RIMS2: variants seen among roughly 807,000 people sequenced by gnomAD.
RIMS2 encodes the protein regulating synaptic membrane exocytosis 2, also known as regulating synaptic membrane exocytosis protein 2.
A neutral mutation model predicts 174.4 loss-of-function variants in RIMS2; 59 were observed. The ratio of observed to expected loss-of-function variants is 0.34; its 90% confidence interval spans 0.27 to 0.42. RIMS2 has a LOEUF of 0.42. Among genes scored for constraint, RIMS2 ranks in the 10% least tolerant of loss-of-function variants. The pLI is 1.00. For missense variants in RIMS2, 1,620 were observed against 1,666.3 expected (o/e 0.97, Z 0.48); for synonymous variants, 606 against 572.5 (o/e 1.06, Z -0.84).
intron 1 of RIMS2, among the ~76,000 whole-genome samples, chr8:103,643,261 T>G (rs1448988524): frequency 6.6e-6 from 1 of 152,106 alleles, no homozygotes; most frequent in Non-Finnish European, 1.5e-5. Context: ...TCCTTTTTGA[T>G]TCACTCGTAG....
chr8:103,541,583 C>A (rs10094117), intron 1 of RIMS2, among the ~76,000 whole-genome samples: 1,768 of 152,208 alleles, frequency 0.012, 32 homozygotes, highest in African/African-American at 0.039. Context: ...GAGAAGGGTG[C>A]TAACTAGTAA....
intron 1 of RIMS2, among the ~76,000 whole-genome samples, chr8:103,593,238 G>T (rs868454316): frequency 1.6e-4 from 25 of 151,520 alleles, no homozygotes; most frequent in Middle Eastern, 6.8e-3. Context: ...GAGATCAGTG[G>T]TGATGTTAAT....
At chr8:104,154,280 T>C (rs1289404773) in intron 19 of RIMS2, among the ~76,000 whole-genome samples, 1 of 152,172 alleles carries the variant, frequency 6.6e-6, no homozygotes, top group Non-Finnish European at 1.5e-5. Flanking sequence ...TCACTTTTAA[T>C]TTTTCTGTTA....
chr8:103,936,783 T>G (rs1340083760), intron 13 of RIMS2, 61 bp downstream of exon 15: 6 of 1,247,970 alleles, frequency 4.8e-6, no homozygotes, highest in African/African-American at 1.5e-5. Flanking sequence ...TTTATTTATA[T>G]AACTGTCAGT....
chr8:104,249,244 T>G (rs569847026), intron 21 of RIMS2, among the ~76,000 whole-genome samples: 6 of 152,128 alleles, frequency 3.9e-5, no homozygotes, highest in Admixed American at 2.6e-4. Flanking sequence ...AGTGGAATCT[T>G]TAACAATATT....
intron 19 of RIMS2, chr8:104,148,748 C>T (rs200369327): frequency 4.4e-6 from 7 of 1,598,206 alleles, no homozygotes; most frequent in Non-Finnish European, 5.1e-6. Flanking sequence ...GCACCTTGGG[C>T]ACCAGTGGCA....
chr8:104,153,212 T>G (rs977402922), intron 19 of RIMS2, among the ~76,000 whole-genome samples: 2 of 152,144 alleles, frequency 1.3e-5, no homozygotes, highest in Non-Finnish European at 2.9e-5. Flanking sequence ...TCACTGTTTC[T>G]AAAGAATTGA....
intron 19 of RIMS2, among the ~76,000 whole-genome samples, chr8:104,063,161 C>T (rs2097035976): frequency 1.3e-5 from 2 of 151,752 alleles, no homozygotes; most frequent in Admixed American, 1.3e-4. Context: ...ATATTTACAC[C>T]AATACCTTTA....
rs537610301 is a variant in RIMS2 at position 104,134,982 on chromosome 8, C to A, written c.3335-109934C>A. Reference sequence around the variant, plus strand: ...TAGATCCTGTTCAGACATGTTACAACAAGTTAGTATGAGCTTATTTTTGGT... The same window carrying A: ...TAGATCCTGTTCAGACATGTTACAAAAAGTTAGTATGAGCTTATTTTTGGT... On this transcript the variant is annotated intron_variant, in intron 19 of 23. Transcript: ENST00000504942. 1.1e-4 allele frequency among the ~76,000 whole-genome samples: 17 copies of A among 151,732 alleles called. No individual in the cohort carries two copies. In the East Asian group the frequency reaches 3.3e-3, roughly 29 times the overall value.
chr8:103,863,688 A>G (rs2099070080), intron 3 of RIMS2, among the ~76,000 whole-genome samples: 1 of 151,962 alleles, frequency 6.6e-6, no homozygotes, highest in Non-Finnish European at 1.5e-5. Context: ...ATATATTTCC[A>G]GAAATATATC....
chr8:103,719,880 C>T (rs1021423997), intron 2 of RIMS2, among the ~76,000 whole-genome samples: 15 of 152,174 alleles, frequency 9.9e-5, no homozygotes, highest in East Asian at 7.7e-4. Flanking sequence ...TGTCTAGAGG[C>T]GTATCATGTG....
At chr8:103,869,888 T>A (rs984471385) in intron 3 of RIMS2, among the ~76,000 whole-genome samples, 1 of 152,144 alleles carries the variant, frequency 6.6e-6, no homozygotes, top group Non-Finnish European at 1.5e-5. Context: ...GGAGAAGAAG[T>A]AATAGTCACT....
chr8:103,718,990 C>T (rs2097410597), intron 2 of RIMS2, among the ~76,000 whole-genome samples: 1 of 152,098 alleles, frequency 6.6e-6, no homozygotes, highest in African/African-American at 2.4e-5. Context: ...TTGCAATCCC[C>T]ACTAGATAGA....
rs1325601860 is a variant in RIMS2 at position 103,835,107 on chromosome 8, T to TC, written c.699-50191_699-50190insC. ...TTTCTTTTTTTCTTTTCTTTTCTTT[T>TC]TTTTTTTTTTTTGAGACAGAGTCTC... On this transcript the variant is annotated intron_variant, in intron 3 of 23. Transcript: ENST00000504942. Among the ~76,000 whole-genome samples the TC allele has an allele frequency of 2.3e-3, 337 of 146,934 alleles. 3 individuals carry two copies. The Middle Eastern group carries it at 0.033, about 15-fold the overall frequency.
In RIMS2 at chr8:104,030,820, CTTTG is replaced by C. The variant is rs149759547; in HGVS notation, c.3334+16211_3334+16214del. ...GGATATTTTATTTCCTTCTTACCTA[CTTTG>C]TTTGTCTTTTTAGCATTTATCAATA... On this transcript the variant is annotated intron_variant, in intron 19 of 23. Transcript: ENST00000504942. Among the ~76,000 whole-genome samples, 1,220 of 152,192 alleles carry C rather than the reference CTTTG, an allele frequency of 8.0e-3. 8 individuals carry two copies. The highest frequency in any genetic ancestry group is 0.011 in the Non-Finnish European group (760 of 67,994).
At chr8:104,113,981 C>T (rs1458846513) in intron 19 of RIMS2, among the ~76,000 whole-genome samples, 1 of 151,804 alleles carries the variant, frequency 6.6e-6, no homozygotes, top group Non-Finnish European at 1.5e-5. Context: ...ACTGTCTTTT[C>T]ATAATCTATT....
intron 1 of RIMS2, among the ~76,000 whole-genome samples, chr8:103,615,242 C>G (rs754983900): frequency 6.6e-6 from 1 of 151,838 alleles, no homozygotes; most frequent in East Asian, 1.9e-4. Context: ...CGCTCAAAAC[C>G]TACATGGAAA....
At chr8:104,115,288 T>C (rs753341811) in intron 19 of RIMS2, among the ~76,000 whole-genome samples, 8 of 152,148 alleles carry the variant, frequency 5.3e-5, no homozygotes. Context: ...ATAGCATGCT[T>C]GATGTCTTTA....
chr8:103,514,108 T>C (rs1352240100), intron 1 of RIMS2, among the ~76,000 whole-genome samples: 3 of 152,170 alleles, frequency 2.0e-5, no homozygotes, highest in Non-Finnish European at 4.4e-5. Flanking sequence ...GATGGATACA[T>C]AAATAGTACC....
Sources: gnomAD v4.1 joint callset for allele counts (sites outside exome capture counted in the v4.1 genomes callset) on GRCh38, gnomAD v4.1.1 for gene constraint, MANE v1.5 for transcripts, NCBI Gene and HGNC (gene_info 2026-07-23, HGNC 2026-07-21) for gene names.